The following TAFA4 variants were observed in gnomAD, a reference collection of about 807,000 sequenced individuals.
TAFA4 encodes chemokine-like protein TAFA-4.
TAFA4 carries 20 observed loss-of-function variants against 21.1 expected under a neutral mutation model. The observed-to-expected ratio is 0.95, with a 90% CI of 0.67 to 1.38. TAFA4 has a LOEUF of 1.38. TAFA4 is among the 40% of genes most tolerant of loss of function. TAFA4 has a pLI of 0.00. For synonymous variants in TAFA4, 71 were observed against 67.4 expected (o/e 1.05, Z -0.26); for missense variants, 211 against 180.9 (o/e 1.17, Z -0.95).
chr3:68,861,651 C>T (rs1459897716), intron 3 of TAFA4, among the ~76,000 whole-genome samples: 1 of 152,008 alleles, frequency 6.6e-6, no homozygotes. Flanking sequence ...TGAATTCACC[C>T]CAGAGCAGAG....
chr3:68,848,803 A>G (rs902014608), intron 3 of TAFA4, among the ~76,000 whole-genome samples: 5 of 152,158 alleles, frequency 3.3e-5, no homozygotes, highest in African/African-American at 7.2e-5. Context: ...CAGCATGACC[A>G]TCTTGGAGTG....
chr3:68,837,012 A>G lies in TAFA4; in HGVS notation c.130+43718T>C, dbSNP rs970385768. Among the ~76,000 whole-genome samples the G allele has an allele frequency of 2.6e-5, 4 of 152,242 alleles. 1 individual carries two copies. The highest frequency in any genetic ancestry group is 4.1e-4 in the South Asian group (2 of 4,832). On this transcript the variant is annotated intron_variant, in intron 3 of 5. Coordinates refer to ENST00000295569, the MANE Select transcript of TAFA4 (RefSeq NM_182522.5). ...AATTATGGCCCACAGGCCAAATCCA[A>G]CTGGCCATTTGTTTGAGTAAATAAA...
rs1180133241 is a variant in TAFA4 at position 68,733,187 on chromosome 3, C to A, written c.412-34G>T. The A allele has an allele frequency of 4.8e-5, 77 of 1,607,994 alleles. 1 individual carries two copies. In the Admixed American group the frequency reaches 1.2e-3, roughly 25 times the overall value. ...AATCAAAATAAGGGAACATTCAACACTCTATACCCACCGAAATAACCATTC... is the reference window on the plus strand; with the variant it reads ...AATCAAAATAAGGGAACATTCAACAATCTATACCCACCGAAATAACCATTC... On this transcript the variant is annotated intron_variant, in intron 5 of 5. Coordinates refer to ENST00000295569, the MANE Select transcript of TAFA4 (RefSeq NM_182522.5).
At chr3:68,836,138 C>T (rs1046693104) in intron 3 of TAFA4, among the ~76,000 whole-genome samples, 2 of 152,290 alleles carry the variant, frequency 1.3e-5, no homozygotes, top group African/African-American at 2.4e-5. Context: ...TCTCCCGCTT[C>T]GGGCCCCTTA....
At chr3:68,884,453 C>G (rs1231363915) in intron 2 of TAFA4, among the ~76,000 whole-genome samples, 1 of 152,202 alleles carries the variant, frequency 6.6e-6, no homozygotes, top group African/African-American at 2.4e-5. Context: ...TTCTTCTAGG[C>G]ACTGCCTCCC....
chr3:68,813,644 C>A (rs908491885), intron 3 of TAFA4, among the ~76,000 whole-genome samples: 10 of 152,094 alleles, frequency 6.6e-5, no homozygotes, highest in Non-Finnish European at 4.4e-5. Context: ...AATAGATCAA[C>A]AAAAGGCTCT....
intron 4 of TAFA4, among the ~76,000 whole-genome samples, chr3:68,751,624 C>A (rs774987618): frequency 6.6e-6 from 1 of 151,982 alleles, no homozygotes; most frequent in Non-Finnish European, 1.5e-5. Flanking sequence ...TCAATAATCC[C>A]CAAATCCAAA....
chr3:68,814,637 C>T lies in TAFA4; in HGVS notation c.131-61619G>A, dbSNP rs990231552. Among the ~76,000 whole-genome samples the T allele has an allele frequency of 3.3e-5, 5 of 152,236 alleles. No individual in the cohort carries two copies. In the East Asian group the frequency reaches 9.6e-4, roughly 29 times the overall value. ...TGAAGGACCTCTTCAAGGAGAACTACAAACCACTGCTCAATGAAATAAAAG... is the reference window on the plus strand; with the variant it reads ...TGAAGGACCTCTTCAAGGAGAACTATAAACCACTGCTCAATGAAATAAAAG... On this transcript the variant is annotated intron_variant, in intron 3 of 5. Transcript: ENST00000295569.
chr3:68,773,990 C>T (rs1703004941), intron 3 of TAFA4, among the ~76,000 whole-genome samples: 1 of 152,148 alleles, frequency 6.6e-6, no homozygotes, highest in African/African-American at 2.4e-5. Flanking sequence ...GAAACAAAGC[C>T]TCTGGAGCGA....
chr3:68,828,953 G>T (rs962855670), intron 3 of TAFA4, among the ~76,000 whole-genome samples: 2 of 152,110 alleles, frequency 1.3e-5, no homozygotes, highest in African/African-American at 4.8e-5. Flanking sequence ...CATGTCCTGT[G>T]CTGGTTTTCA....
At chr3:68,924,175 T>A (rs1432002392) in intron 1 of TAFA4, among the ~76,000 whole-genome samples, 1 of 152,198 alleles carries the variant, frequency 6.6e-6, no homozygotes, top group Non-Finnish European at 1.5e-5. Flanking sequence ...CTTGAACAGA[T>A]GTTTGTATAC....
intron 3 of TAFA4, among the ~76,000 whole-genome samples, chr3:68,816,766 C>G (rs1388704396): frequency 6.6e-6 from 1 of 152,128 alleles, no homozygotes; most frequent in Admixed American, 6.5e-5. Flanking sequence ...AAGCAAGTCA[C>G]ACAGTTTTTA....
intron 3 of TAFA4, among the ~76,000 whole-genome samples, chr3:68,814,568 C>T (rs1488224322): frequency 6.6e-6 from 1 of 152,044 alleles, no homozygotes; most frequent in Non-Finnish European, 1.5e-5. Flanking sequence ...TCACAATCGC[C>T]TCAAAGAGAA....
At chr3:68,738,777 T>C (rs1022937716) in intron 5 of TAFA4, among the ~76,000 whole-genome samples, 2 of 152,228 alleles carry the variant, frequency 1.3e-5, no homozygotes, top group South Asian at 2.1e-4. Context: ...TTTTGATACA[T>C]TGGCCTGTCG....
At position 68,757,486 on chromosome 3, in the gene TAFA4, G is replaced by A. The variant is rs928550864; in HGVS notation, c.131-4468C>T. 3.3e-5 allele frequency among the ~76,000 whole-genome samples: 5 copies of A among 152,258 alleles called. No individual in the cohort carries two copies. The East Asian group carries it at 9.6e-4, about 29-fold the overall frequency. ...TTAGATTACTAAATGACCCTTGAGA[G>A]TCTGTAATGAAAGCAGCTTTAAACC... On this transcript the variant is annotated intron_variant, in intron 3 of 5. Coordinates refer to ENST00000295569, the MANE Select transcript of TAFA4 (RefSeq NM_182522.5).
At chr3:68,824,794 G>A (rs927510130) in intron 3 of TAFA4, among the ~76,000 whole-genome samples, 6 of 152,130 alleles carry the variant, frequency 3.9e-5, no homozygotes, top group Non-Finnish European at 8.8e-5. Context: ...GCAGCAAGGG[G>A]CAGAACTAGG....
chr3:68,926,607 AT>A (rs2090109859), intron 1 of TAFA4, among the ~76,000 whole-genome samples: 1 of 152,104 alleles, frequency 6.6e-6, no homozygotes, highest in Admixed American at 6.5e-5. Context: ...CATTCCTGAC[AT>A]TTTGAATCAA....
chr3:68,923,746 G>A (rs1319113388), intron 1 of TAFA4, among the ~76,000 whole-genome samples: 2 of 152,092 alleles, frequency 1.3e-5, no homozygotes, highest in African/African-American at 2.4e-5. Context: ...TCTCCTTAGG[G>A]TAAACACACT....
At chr3:68,812,511 C>A (rs1432587196) in intron 3 of TAFA4, among the ~76,000 whole-genome samples, 1 of 152,042 alleles carries the variant, frequency 6.6e-6, no homozygotes, top group Non-Finnish European at 1.5e-5. Context: ...CAAAAGAAGG[C>A]AGGGGTTGCA....
Sources: gnomAD v4.1 joint callset for allele counts (sites outside exome capture counted in the v4.1 genomes callset) on GRCh38, gnomAD v4.1.1 for gene constraint, MANE v1.5 for transcripts, NCBI Gene and HGNC (gene_info 2026-07-23, HGNC 2026-07-21) for gene names.